Variants in PDE4D observed in about 807,000 individuals in gnomAD.
PDE4D encodes 3',5'-cyclic-AMP phosphodiesterase 4D.
In PDE4D, 24 loss-of-function variants were observed where a neutral mutation model predicts 87.4. That is an observed-to-expected ratio of 0.27 (90% CI 0.20 to 0.39). PDE4D has a LOEUF of 0.39. Among genes scored for constraint, PDE4D ranks in the 10% least tolerant of loss-of-function variants. PDE4D has a pLI of 1.00. For synonymous variants in PDE4D, 384 were observed against 383.2 expected (o/e 1.00, Z -0.02); for missense variants, 714 against 1,041.0 (o/e 0.69, Z 4.32).
chr5:59,285,083 G>A (rs1276090976), intron 1 of PDE4D, among the ~76,000 whole-genome samples: 3 of 104,212 alleles, frequency 2.9e-5, no homozygotes, highest in Non-Finnish European at 5.7e-5. Context: ...GAGGGGGGAG[G>A]GATAGCATTG....
intron 1 of PDE4D, among the ~76,000 whole-genome samples, chr5:59,503,047 C>G (rs1408777228): frequency 6.6e-6 from 1 of 151,594 alleles, no homozygotes; most frequent in African/African-American, 2.4e-5. Context: ...AAGTGTATAG[C>G]CTTAGGTAAA....
chr5:60,003,265 A>G (rs1263175798), intron 2 of PDE4D, among the ~76,000 whole-genome samples: 2 of 152,220 alleles, frequency 1.3e-5, no homozygotes, highest in African/African-American at 4.8e-5. Flanking sequence ...TTATGGATTG[A>G]AAGATTTCAT....
At chr5:59,414,714 C>T (rs961909599) in intron 1 of PDE4D, among the ~76,000 whole-genome samples, 1 of 152,090 alleles carries the variant, frequency 6.6e-6, no homozygotes, top group African/African-American at 2.4e-5. Flanking sequence ...ATCAAGATAT[C>T]GAACAAACAA....
intron 1 of PDE4D, among the ~76,000 whole-genome samples, chr5:60,432,230 G>A (rs910065455): frequency 2.6e-5 from 4 of 152,172 alleles, no homozygotes; most frequent in African/African-American, 7.2e-5. Flanking sequence ...TTGTTGTTAT[G>A]TCTTTGCTTT....
intron 5 of PDE4D, among the ~76,000 whole-genome samples, chr5:59,041,980 C>T (rs1281850783): frequency 6.6e-6 from 1 of 152,222 alleles, no homozygotes; most frequent in South Asian, 2.1e-4. Context: ...AAGCCATGCA[C>T]CAGCCACTTT....
At chr5:59,594,805 T>C (rs955970993) in intron 1 of PDE4D, among the ~76,000 whole-genome samples, 44 of 152,288 alleles carry the variant, frequency 2.9e-4, no homozygotes, top group Middle Eastern at 6.8e-3. Context: ...ATGGAAGATA[T>C]ACATCAATAT....
intron 2 of PDE4D, among the ~76,000 whole-genome samples, chr5:60,153,232 T>G (rs1781669276): frequency 6.6e-6 from 1 of 152,168 alleles, no homozygotes; most frequent in South Asian, 2.1e-4. Flanking sequence ...AATAGACATT[T>G]CTCAAAAGAA....
At position 60,436,766 on chromosome 5, in the gene PDE4D, T is replaced by C. The variant is rs373387820; in HGVS notation, c.-90+51176A>G. ...TACTGAACACTACCCACAGAACTTA[T>C]GCTGTTTTTAGAAGCATGAAATTAG... On this transcript the variant is annotated intron_variant, in intron 1 of 16. Transcript: ENST00000502484. Among the ~76,000 whole-genome samples, 5 of 152,150 alleles carry C rather than the reference T, an allele frequency of 3.3e-5. No individual in the cohort carries two copies. In the East Asian group the frequency reaches 7.7e-4, roughly 23 times the overall value.
chr5:59,768,141 G>T, intron 1 of PDE4D: 1 of 1,356,194 alleles, frequency 7.4e-7, no homozygotes, highest in Non-Finnish European at 1.0e-6. Context: ...TCCCCGGTGA[G>T]GAATGATGAT....
At chr5:59,592,236 G>A (rs946730308) in intron 1 of PDE4D, 1 of 702,462 alleles carries the variant, frequency 1.4e-6, no homozygotes, top group Non-Finnish European at 1.7e-6. Flanking sequence ...TAATAACGAT[G>A]TTGATAGTCA....
At chr5:60,343,553 G>T (rs2149903235) in intron 1 of PDE4D, among the ~76,000 whole-genome samples, 1 of 152,292 alleles carries the variant, frequency 6.6e-6, no homozygotes, top group South Asian at 2.1e-4. Flanking sequence ...GGTAGGAATT[G>T]TTGCCTGTCA....
At chr5:59,105,939 T>C (rs1771510174) in intron 5 of PDE4D, among the ~76,000 whole-genome samples, 1 of 152,174 alleles carries the variant, frequency 6.6e-6, no homozygotes, top group Non-Finnish European at 1.5e-5. Flanking sequence ...AATGTAAAGA[T>C]GAAAGACAGA....
intron 1 of PDE4D, among the ~76,000 whole-genome samples, chr5:59,635,393 C>G (rs1832103464): frequency 6.6e-6 from 1 of 152,156 alleles, no homozygotes; most frequent in African/African-American, 2.4e-5. Flanking sequence ...TTTTATGAGG[C>G]CAGCATCATC....
intron 1 of PDE4D, among the ~76,000 whole-genome samples, chr5:59,484,514 CTG>C (rs2153657573): frequency 1.3e-5 from 2 of 152,260 alleles, no homozygotes; most frequent in African/African-American, 4.8e-5. Context: ...CACTGAAACA[CTG>C]TGTGGAGCCA....
At chr5:59,473,260 A>G (rs998851730) in intron 1 of PDE4D, among the ~76,000 whole-genome samples, 6 of 152,114 alleles carry the variant, frequency 3.9e-5, no homozygotes, top group Non-Finnish European at 7.4e-5. Flanking sequence ...TCTCAAATAT[A>G]TAGTTTAGAC....
chr5:59,472,094 C>G (rs1802537517), intron 1 of PDE4D, among the ~76,000 whole-genome samples: 1 of 152,102 alleles, frequency 6.6e-6, no homozygotes, highest in African/African-American at 2.4e-5. Context: ...AAAGAGAAAT[C>G]ACACCTTCTG....
At chr5:59,836,415 A>C (rs933732496) in intron 1 of PDE4D, among the ~76,000 whole-genome samples, 5 of 152,092 alleles carry the variant, frequency 3.3e-5, no homozygotes, top group African/African-American at 1.2e-4. Context: ...GGTGCTAAGA[A>C]ATAAATACAA....
At chr5:59,846,502 A>C (rs1371616819) in intron 1 of PDE4D, among the ~76,000 whole-genome samples, 1 of 152,010 alleles carries the variant, frequency 6.6e-6, no homozygotes, top group African/African-American at 2.4e-5. Context: ...ATATGTTTTA[A>C]ATAAGCCCCC....
intron 2 of PDE4D, among the ~76,000 whole-genome samples, chr5:60,158,818 C>T (rs1374300418): frequency 6.6e-6 from 1 of 152,162 alleles, no homozygotes; most frequent in Non-Finnish European, 1.5e-5. Flanking sequence ...ATCCGCCCGC[C>T]TCGGCCTCCC....
Sources: allele counts gnomAD v4.1 joint callset (sites outside exome capture counted in the v4.1 genomes callset), GRCh38; gene constraint gnomAD v4.1.1; transcripts MANE v1.5; gene names NCBI Gene and HGNC (gene_info 2026-07-23, HGNC 2026-07-21).